The following MCU variants were observed in gnomAD, a reference collection of about 807,000 sequenced individuals.
MCU encodes the protein mitochondrial calcium uniporter, also known as calcium uniporter protein, mitochondrial.
In MCU, 12 loss-of-function variants were observed where a neutral mutation model predicts 45.2. The ratio of observed to expected loss-of-function variants is 0.27; its 90% CI spans 0.17 to 0.43. The LOEUF is 0.43. Among genes scored for constraint, MCU ranks in the 20% least tolerant of loss-of-function variants. The pLI, the probability that MCU is intolerant of heterozygous loss-of-function variation, is 1.00. For synonymous variants in MCU, 160 were observed against 165.1 expected (o/e 0.97, Z 0.24); for missense variants, 324 against 436.7 (o/e 0.74, Z 2.30).
chr10:72,886,528 G>T lies in MCU; in HGVS notation c.*706G>T, dbSNP rs1156844026. 6.6e-6 allele frequency: 1 copy of T among 152,100 alleles called. No individual in the cohort carries two copies. Among genetic ancestry groups the T allele is most frequent in the Non-Finnish European group, 1.5e-5 (1 of 68,046 alleles). 9.4% of individuals were successfully genotyped at this position (152,100 alleles called of 1,614,324 possible). A position where few individuals can be genotyped will look rare whatever the true frequency, so the allele number is the denominator to read the frequency against. ...ATCACTGGCAACACTGCATGAGGTT[G>T]TTGGTTTTGTTTTGTTTTATTAATT... On this transcript the variant is annotated 3_prime_UTR_variant, in exon 8 of 8. Coordinates refer to ENST00000373053, the MANE Select transcript of MCU (RefSeq NM_138357.3).
intron 6 of MCU, among the ~76,000 whole-genome samples, chr10:72,878,107 T>C (rs1175518730): frequency 6.7e-6 from 1 of 148,950 alleles, no homozygotes. Context: ...TACAAATAAT[T>C]TTGCTTTTTT....
At chr10:72,822,743 G>C (rs1844732965) in intron 1 of MCU, among the ~76,000 whole-genome samples, 1 of 152,188 alleles carries the variant, frequency 6.6e-6, no homozygotes, top group Non-Finnish European at 1.5e-5. Flanking sequence ...GAGAGGCCAA[G>C]GCCGGAGGAT....
At chr10:72,865,064 T>C (rs1845432693) in intron 4 of MCU, among the ~76,000 whole-genome samples, 1 of 152,222 alleles carries the variant, frequency 6.6e-6, no homozygotes, top group South Asian at 2.1e-4. Flanking sequence ...AAAGGTATAT[T>C]AATCAATTAA....
chr10:72,759,807 A>C (rs1256211201), intron 1 of MCU, among the ~76,000 whole-genome samples: 1 of 152,144 alleles, frequency 6.6e-6, no homozygotes, highest in Non-Finnish European at 1.5e-5. Context: ...CTGTTTAAGA[A>C]GAAGACATGC....
At chr10:72,805,211 T>TTCC (rs1217225992) in intron 1 of MCU, among the ~76,000 whole-genome samples, 9 of 146,934 alleles carry the variant, frequency 6.1e-5, no homozygotes, top group African/African-American at 2.3e-4. Flanking sequence ...CCTTTCTTCC[T>TTCC]TTCCTTTCCT....
At chr10:72,871,350 T>C in intron 5 of MCU, 27 bp from the exon 6 acceptor site, 1 of 1,608,032 alleles carries the variant, frequency 6.2e-7, no homozygotes, top group Non-Finnish European at 8.5e-7. Context: ...TATGTCAAAA[T>C]GCCTTATGAT....
chr10:72,819,410 C>A (rs1049184054), intron 1 of MCU, among the ~76,000 whole-genome samples: 2 of 152,200 alleles, frequency 1.3e-5, no homozygotes, highest in African/African-American at 4.8e-5. Flanking sequence ...TCTACCCCAA[C>A]ATGCTAAATA....
intron 6 of MCU, among the ~76,000 whole-genome samples, chr10:72,873,143 T>C (rs2132888441): frequency 6.7e-6 from 1 of 149,978 alleles, no homozygotes; most frequent in African/African-American, 2.4e-5. Flanking sequence ...CTCAGCCTCC[T>C]GAATAGCTGG....
chr10:72,870,440 G>A (rs1178636604), intron 5 of MCU, among the ~76,000 whole-genome samples: 2 of 152,032 alleles, frequency 1.3e-5, no homozygotes, highest in East Asian at 1.9e-4. Context: ...CACCACGCCC[G>A]GCTAATTTTT....
chr10:72,714,343 G>GTTTTTTTTTTTTTTTTTT (rs1479850646), intron 1 of MCU, among the ~76,000 whole-genome samples: 36 of 49,476 alleles, frequency 7.3e-4, no homozygotes, highest in Non-Finnish European at 1.7e-3. Flanking sequence ...CCCCGCCCTG[G>GTTTTTTTTTTTTTTTTTT]TCTTTTTTTT....
chr10:72,838,051 C>T (rs1465198772), intron 2 of MCU, among the ~76,000 whole-genome samples: 2 of 151,026 alleles, frequency 1.3e-5, no homozygotes, highest in African/African-American at 2.4e-5. Context: ...TTAGTAGAGA[C>T]GGGGTTTCAC....
chr10:72,720,851 C>T (rs1424564811), intron 1 of MCU, among the ~76,000 whole-genome samples: 2 of 152,148 alleles, frequency 1.3e-5, no homozygotes, highest in Non-Finnish European at 2.9e-5. Context: ...TAACGTGCAT[C>T]TAAGACTCCT....
rs550842798 is a variant in MCU, at chr10:72,744,247, T to A, written c.150+51946T>A. Among the ~76,000 whole-genome samples the A allele has an allele frequency of 2.3e-4, 34 of 150,976 alleles. No homozygotes were observed. The South Asian group carries it at 2.7e-3, about 12-fold the overall frequency. ...CCAAAGATGCTTTTTTTTTTTTTTT[T>A]AAAGATTTTTGGGTGCGTAATATTT... On this transcript the variant is annotated intron_variant, in intron 1 of 7. Transcript: ENST00000373053.
intron 1 of MCU, among the ~76,000 whole-genome samples, chr10:72,778,692 TATC>T (rs1223025176): frequency 1.3e-5 from 2 of 152,142 alleles, no homozygotes; most frequent in African/African-American, 2.4e-5. Context: ...CATTAAAAAA[TATC>T]ATGCATGGAA....
Position 72,883,150 on chromosome 10 carries a change from T to C in MCU, c.862-1116T>C, listed in dbSNP as rs572746520. On this transcript the variant is annotated intron_variant, in intron 6 of 7. Coordinates refer to ENST00000373053, the MANE Select transcript of MCU (RefSeq NM_138357.3). Reference sequence around the variant, plus strand: ...AAGGCCACATATTGTATGATTCCACTTATATGAAATGTCCAGAATAGACAA... The same window carrying C: ...AAGGCCACATATTGTATGATTCCACCTATATGAAATGTCCAGAATAGACAA... Among the ~76,000 whole-genome samples, 25 of 152,314 alleles carry C rather than the reference T, an allele frequency of 1.6e-4. No homozygotes were observed. The South Asian group carries it at 5.2e-3, about 32-fold the overall frequency.
intron 1 of MCU, among the ~76,000 whole-genome samples, chr10:72,728,033 C>T (rs1220945992): frequency 1.3e-5 from 2 of 151,962 alleles, no homozygotes; most frequent in Non-Finnish European, 2.9e-5. Context: ...TTGGAGACTA[C>T]TGCTTTTGCC....
intron 1 of MCU, among the ~76,000 whole-genome samples, chr10:72,768,557 AAGTT>A (rs1462052612): frequency 6.6e-6 from 1 of 152,192 alleles, no homozygotes; most frequent in Non-Finnish European, 1.5e-5. Flanking sequence ...GCATAGAACT[AAGTT>A]AGCATGATGA....
chr10:72,735,670 G>A (rs774416627), intron 1 of MCU, among the ~76,000 whole-genome samples: 1 of 152,198 alleles, frequency 6.6e-6, no homozygotes, highest in Non-Finnish European at 1.5e-5. Context: ...CTGTTGTAAG[G>A]TAGAGTGGAC....
At chr10:72,746,873 G>A (rs373051448) in intron 1 of MCU, among the ~76,000 whole-genome samples, 1 of 152,132 alleles carries the variant, frequency 6.6e-6, no homozygotes, top group African/African-American at 2.4e-5. Flanking sequence ...TCTCTATCTA[G>A]AAGTTTGGTA....
Sources: gnomAD v4.1 joint callset for allele counts (sites outside exome capture counted in the v4.1 genomes callset) on GRCh38, gnomAD v4.1.1 for gene constraint, MANE v1.5 for transcripts, NCBI Gene and HGNC (gene_info 2026-07-23, HGNC 2026-07-21) for gene names.